PLCXD1: variants seen among roughly 807,000 people sequenced by gnomAD.
PLCXD1 encodes the protein PI-PLC X domain-containing protein 1.
In PLCXD1, 45 loss-of-function variants were observed where a neutral mutation model predicts 37.8. That is an observed-to-expected ratio of 1.19 (90% confidence interval 0.94 to 1.53). The LOEUF (loss-of-function observed/expected upper bound fraction) is 1.53. PLCXD1 is among the 40% of genes most tolerant of loss of function. The probability of loss-of-function intolerance (pLI) is 0.00; values close to 1 mark genes in which losing one functional copy is unlikely to be tolerated. For missense variants in PLCXD1, 539 were observed against 454.7 expected, an observed-to-expected ratio of 1.19 and a Z score of -1.69; for synonymous variants, 246 against 206.9, an observed-to-expected ratio of 1.19 and a Z score of -1.62.
At chrX:295,901 C>T (rs1233655633) in intron 6 of PLCXD1, among the ~76,000 whole-genome samples, 1 of 151,920 alleles carries the variant, frequency 6.6e-6, no homozygotes, top group Admixed American at 6.6e-5. Flanking sequence ...AGTGCAATGG[C>T]GCAATCTTGG....
chrX:289,660 C>T (rs774071994), intron 3 of PLCXD1, among the ~76,000 whole-genome samples: 5 of 151,460 alleles, frequency 3.3e-5, no homozygotes, highest in Admixed American at 1.3e-4. Context: ...TACAGGCTCC[C>T]GCGACCACGC....
At position 292,968 on chromosome X, in the gene PLCXD1, C is replaced by T. The variant is rs756950497; in HGVS notation, c.550-67C>T. ...GGGCCGGTGTCCCGACTTCCCAGCC[C>T]TCCGCTCTCCCAGGTGCCCCCGGCT... On this transcript the variant is annotated intron_variant, in intron 5 of 6. Transcript: ENST00000381657. 5 of 1,146,784 alleles carry T rather than the reference C, an allele frequency of 4.4e-6. No homozygotes were observed. In the African/African-American group the frequency reaches 7.7e-5, roughly 18 times the overall value. 71.0% of individuals were successfully genotyped at this position (1,146,784 alleles called of 1,614,324 possible).
chrX:279,969 C>A (rs2069228039), upstream of PLCXD1, among the ~76,000 whole-genome samples: 2 of 152,114 alleles, frequency 1.3e-5, no homozygotes, highest in Admixed American at 1.3e-4. Context: ...CCTGCCTCAG[C>A]CTCCCAGTAG....
chrX:287,449 T>C (rs2069484958), intron 2 of PLCXD1, among the ~76,000 whole-genome samples: 1 of 130,352 alleles, frequency 7.7e-6, no homozygotes, highest in Non-Finnish European at 1.6e-5. Context: ...ATACACTATA[T>C]ATGTTTATAT....
chrX:284,157 C>A lies in PLCXD1; in HGVS notation c.-21-10C>A. 1.2e-6 allele frequency: 2 copies of A among 1,611,300 alleles called. No individual in the cohort carries two copies. Among genetic ancestry groups the A allele is most frequent in the Non-Finnish European group, 1.7e-6 (2 of 1,178,762 alleles). On this transcript the variant is annotated splice_polypyrimidine_tract_variant and intron_variant, in intron 1 of 6. Coordinates refer to ENST00000381657, the MANE Select transcript of PLCXD1 (RefSeq NM_018390.4). ...CGTAAAAAACCTCTTTTCCTCTTCTCCTTCCTCAGGTTGCCCAGGGCTCAC... is the reference window on the plus strand; with the variant it reads ...CGTAAAAAACCTCTTTTCCTCTTCTACTTCCTCAGGTTGCCCAGGGCTCAC...
At position 283,546 on chromosome X, in the gene PLCXD1, G is replaced by A. The variant is rs2069343859; in HGVS notation, c.-21-621G>A. 3 of 147,118 alleles carry A rather than the reference G, an allele frequency of 2.0e-5. 1 individual carries two copies. In the South Asian group the frequency reaches 6.5e-4, roughly 32 times the overall value. 9.1% of individuals were successfully genotyped at this position (147,118 alleles called of 1,614,324 possible). A position where few individuals can be genotyped will look rare whatever the true frequency, so the allele number is the denominator to read the frequency against. On this transcript the variant is annotated intron_variant, in intron 1 of 6. Coordinates refer to ENST00000381657, the MANE Select transcript of PLCXD1 (RefSeq NM_018390.4). The stretch of plus-strand genomic sequence containing the variant: ...GTAGTGGGGGCGGCCGTGGTGTCAG[G>A]CCCGGGTGGGGGCGGCCTTGGTGTC...
At position 293,024 on chromosome X, in the gene PLCXD1, G is replaced by A. The variant is rs1311444297; in HGVS notation, c.550-11G>A. The A allele has an allele frequency of 6.3e-7, 1 of 1,598,564 alleles. No homozygotes were observed. Among genetic ancestry groups the A allele is most frequent in the Non-Finnish European group, 8.5e-7 (1 of 1,170,860 alleles). On this transcript the variant is annotated splice_polypyrimidine_tract_variant and intron_variant, in intron 5 of 6. Coordinates refer to ENST00000381657, the MANE Select transcript of PLCXD1 (RefSeq NM_018390.4). ...CTCTCCCCTGCACCCCTTAACTCTG[G>A]TCCTTTGCAGGAGGTGCCGACACTG...
At chrX:282,899 CTA>C (rs1410141908) in intron 1 of PLCXD1, among the ~76,000 whole-genome samples, 1 of 142,438 alleles carries the variant, frequency 7.0e-6, no homozygotes, top group Non-Finnish European at 1.5e-5. Context: ...TTATATATGT[CTA>C]TATTATATAT....
chrX:297,037 G>T (rs2069839326), intron 6 of PLCXD1, among the ~76,000 whole-genome samples: 1 of 53,042 alleles, frequency 1.9e-5, no homozygotes, highest in South Asian at 4.1e-4. Flanking sequence ...TATCACATGG[G>T]GATTAGGACG....
chrX:287,174 C>T (rs1247607819), intron 2 of PLCXD1, among the ~76,000 whole-genome samples: 2 of 119,140 alleles, frequency 1.7e-5, no homozygotes, highest in African/African-American at 8.9e-5. Context: ...TATGTATATA[C>T]ACACACACAT....
intron 3 of PLCXD1, 70 bp downstream of exon 3, chrX:288,939 A>C: frequency 3.4e-6 from 5 of 1,475,330 alleles, no homozygotes; most frequent in Non-Finnish European, 4.7e-6. Flanking sequence ...CGTGGTGCTG[A>C]AATGGCCCCT....
intron 2 of PLCXD1, among the ~76,000 whole-genome samples, chrX:287,011 T>C (rs2069467986): frequency 1.3e-5 from 2 of 151,822 alleles, no homozygotes; most frequent in Admixed American, 6.6e-5. Context: ...GTAAAGGGGC[T>C]TCACGTTCCT....
intron 6 of PLCXD1, among the ~76,000 whole-genome samples, chrX:294,519 A>G (rs1347494503): frequency 6.7e-6 from 1 of 150,042 alleles, no homozygotes; most frequent in Admixed American, 6.6e-5. Context: ...AATCCCATCT[A>G]CTTGGGAGGC....
intron 1 of PLCXD1, among the ~76,000 whole-genome samples, chrX:282,425 C>T (rs1434917444): frequency 6.6e-6 from 1 of 151,612 alleles, no homozygotes; most frequent in African/African-American, 2.4e-5. Flanking sequence ...GTACATACAG[C>T]TGGGCACCGT....
chrX:298,934 CCCA>C (rs1166800780), intron 6 of PLCXD1, among the ~76,000 whole-genome samples, 160 bp from the exon 7 acceptor site: 1 of 152,084 alleles, frequency 6.6e-6, no homozygotes, highest in Non-Finnish European at 1.5e-5. Flanking sequence ...TTGTCTACTG[CCCA>C]CCACGCTTTA....
intron 6 of PLCXD1, among the ~76,000 whole-genome samples, chrX:296,190 G>A (rs759011811): frequency 1.3e-4 from 20 of 151,958 alleles, no homozygotes; most frequent in South Asian, 1.0e-3. Context: ...GCGTGATCTC[G>A]GCTCACTGCA....
intron 6 of PLCXD1, among the ~76,000 whole-genome samples, chrX:295,464 A>C (rs2069773956): frequency 1.3e-5 from 2 of 151,660 alleles, no homozygotes; most frequent in South Asian, 4.2e-4. Context: ...GCAAAGGAGC[A>C]GGTTTTTTCA....
rs749604073 is a variant in PLCXD1 at position 293,029 on chromosome X, T to C, written c.550-6T>C. Reference sequence around the variant, plus strand: ...CCCTGCACCCCTTAACTCTGGTCCTTTGCAGGAGGTGCCGACACTGCGGCA... The same window carrying C: ...CCCTGCACCCCTTAACTCTGGTCCTCTGCAGGAGGTGCCGACACTGCGGCA... On this transcript the variant is annotated splice_polypyrimidine_tract_variant and splice_region_variant and intron_variant, in intron 5 of 6. Transcript: ENST00000381657. The C allele has an allele frequency of 3.1e-6, 5 of 1,601,750 alleles. No individual in the cohort carries two copies. In the Admixed American group the frequency reaches 8.4e-5, roughly 27 times the overall value.
intron 4 of PLCXD1, among the ~76,000 whole-genome samples, chrX:291,231 T>C (rs1047016137): frequency 2.6e-5 from 4 of 151,834 alleles, no homozygotes; most frequent in African/African-American, 7.2e-5. Context: ...CTGCAACCTC[T>C]GCCTCCTGGG....
Sources: gnomAD v4.1 joint callset for allele counts (sites outside exome capture counted in the v4.1 genomes callset) on GRCh38, gnomAD v4.1.1 for gene constraint, MANE v1.5 for transcripts, NCBI Gene and HGNC (gene_info 2026-07-23, HGNC 2026-07-21) for gene names.